The following PLA2G4E variants were observed in gnomAD, a reference collection of about 807,000 sequenced individuals.
PLA2G4E encodes cytosolic phospholipase A2 epsilon.
In PLA2G4E, 84 loss-of-function variants were observed where a neutral mutation model predicts 109.1. The ratio of observed to expected loss-of-function variants is 0.77; its 90% CI spans 0.65 to 0.92. The LOEUF is 0.92. Ranked by LOEUF, PLA2G4E falls within the 40% of genes least tolerant of loss-of-function variation. The pLI, the probability that PLA2G4E is intolerant of heterozygous loss-of-function variation, is 0.00. For missense variants in PLA2G4E, 1,057 were observed against 1,076.6 expected, an observed-to-expected ratio of 0.98 and a Z score of 0.25; for synonymous variants, 469 against 436.1, an observed-to-expected ratio of 1.08 and a Z score of -0.94.
chr15:42,005,660 G>C (rs1318802229), intron 4 of PLA2G4E, among the ~76,000 whole-genome samples: 4 of 152,268 alleles, frequency 2.6e-5, no homozygotes, highest in Non-Finnish European at 5.9e-5. Flanking sequence ...AAGAAAAGGA[G>C]GGAAGGGAAC....
chr15:42,050,359 T>C (rs893631431), intron 1 of PLA2G4E, among the ~76,000 whole-genome samples: 1 of 152,168 alleles, frequency 6.6e-6, no homozygotes, highest in African/African-American at 2.4e-5. Context: ...TAAGGACAGA[T>C]AGGTGATGGC....
intron 1 of PLA2G4E, among the ~76,000 whole-genome samples, chr15:42,036,692 T>C (rs1250901807): frequency 6.6e-6 from 1 of 152,036 alleles, no homozygotes. Context: ...CCCTGGACAC[T>C]GGCCGGGGCC....
At chr15:42,049,340 C>T (rs905819699) in intron 1 of PLA2G4E, among the ~76,000 whole-genome samples, 1 of 152,226 alleles carries the variant, frequency 6.6e-6, no homozygotes, top group East Asian at 1.9e-4. Context: ...CAGTTACTCA[C>T]TCCCATGATC....
intron 1 of PLA2G4E, among the ~76,000 whole-genome samples, chr15:42,047,763 A>G (rs2141081061): frequency 6.6e-6 from 1 of 152,138 alleles, no homozygotes; most frequent in East Asian, 1.9e-4. Flanking sequence ...ATATTTCACA[A>G]AGGTCTCAGG....
chr15:42,013,699 C>A (rs114855106), exon 2 of PLA2G4E: 1 of 1,550,456 alleles, frequency 6.4e-7, no homozygotes, highest in South Asian at 1.2e-5. Context: ...ATCAGCCTGC[C>A]GGACATTTTT....
At chr15:42,021,716 A>G (rs1481030653) in intron 1 of PLA2G4E, among the ~76,000 whole-genome samples, 8 of 152,226 alleles carry the variant, frequency 5.3e-5, no homozygotes, top group Admixed American at 5.2e-4. Context: ...GATGATTCCT[A>G]TCTCTAGCCT....
chr15:41,984,393 C>G (rs911823510), intron 19 of PLA2G4E, 43 bp downstream of exon 19: 9 of 1,564,070 alleles, frequency 5.8e-6, no homozygotes, highest in Non-Finnish European at 7.9e-6. Flanking sequence ...ATTCCCGGGC[C>G]AAGGGCAGCA....
At position 42,040,346 on chromosome 15, in the gene PLA2G4E, A is replaced by G. The variant is rs137898307; in HGVS notation, c.183+10175T>C. Among the ~76,000 whole-genome samples the G allele has an allele frequency of 1.5e-3, 235 of 152,196 alleles. 2 individuals are homozygous for G. The highest frequency in any genetic ancestry group is 5.5e-3 in the African/African-American group (229 of 41,472). On this transcript the variant is annotated intron_variant, in intron 1 of 19. Transcript: ENST00000399518. ...GGAAGGACAGGTTATTTGATAAATTATGTTGAAAAAATAAGTTTTCTGAAA... is the reference window on the plus strand; with the variant it reads ...GGAAGGACAGGTTATTTGATAAATTGTGTTGAAAAAATAAGTTTTCTGAAA...
chr15:41,992,281 C>G (rs892235532), intron 13 of PLA2G4E, among the ~76,000 whole-genome samples: 1 of 152,120 alleles, frequency 6.6e-6, no homozygotes, highest in Non-Finnish European at 1.5e-5. Flanking sequence ...CTGGGAGACG[C>G]GGGACTCCTG....
intron 13 of PLA2G4E, among the ~76,000 whole-genome samples, chr15:41,991,604 C>T (rs1283093317): frequency 2.6e-5 from 4 of 152,168 alleles, no homozygotes; most frequent in African/African-American, 9.7e-5. Flanking sequence ...TTTGCCAGCG[C>T]AGTTCCTGGC....
chr15:42,003,893 TTTCCTTGCTTTCC>T (rs1397603717), intron 5 of PLA2G4E, among the ~76,000 whole-genome samples: 8 of 151,532 alleles, frequency 5.3e-5, no homozygotes, highest in South Asian at 4.2e-4. Flanking sequence ...CTTTCCTTCC[TTTCCTTGCTTTCC>T]TTCCTTCCTT....
intron 6 of PLA2G4E, among the ~76,000 whole-genome samples, chr15:42,002,264 C>CA (rs71108143): frequency 0.49 from 35,902 of 73,054 alleles, 9,570 homozygotes; most frequent in Non-Finnish European, 0.57. Flanking sequence ...GACCTTGTCT[C>CA]AAAAAAAAAA....
intron 13 of PLA2G4E, 139 bp downstream of exon 13, chr15:41,992,598 C>T (rs1374645333): frequency 1.0e-5 from 8 of 790,302 alleles, no homozygotes; most frequent in Admixed American, 8.5e-5. Context: ...GACACCTTAT[C>T]GGTCTTCCAG....
intron 9 of PLA2G4E, 51 bp from the exon 10 acceptor site, chr15:41,999,612 G>C (rs2068392035): frequency 6.3e-7 from 1 of 1,599,094 alleles, no homozygotes; most frequent in African/African-American, 1.3e-5. Flanking sequence ...TCAGAGCCAA[G>C]TGATCCCAGA....
chr15:42,033,839 T>G (rs1174108567), intron 1 of PLA2G4E, among the ~76,000 whole-genome samples: 1 of 152,206 alleles, frequency 6.6e-6, no homozygotes, highest in Admixed American at 6.5e-5. Flanking sequence ...TCAAGCCTCC[T>G]GTCCTGTGTA....
chr15:41,990,076 TC>T lies in PLA2G4E; in HGVS notation c.1585+44del, dbSNP rs541560434. ...CTGGGTGCTTTTGCCCACCAAGAAGTCCCCCCCTCCACCCCACTTGTAAATC... is the reference window on the plus strand; with the variant it reads ...CTGGGTGCTTTTGCCCACCAAGAAGTCCCCCCTCCACCCCACTTGTAAATC... On this transcript the variant is annotated intron_variant, in intron 14 of 19. Transcript: ENST00000399518. 4,435 of 1,530,428 alleles carry T rather than the reference TC, an allele frequency of 2.9e-3. 9 individuals carry two copies. Among genetic ancestry groups the T allele is most frequent in the Non-Finnish European group, 3.7e-3 (4,060 of 1,111,974 alleles). 94.8% of individuals were successfully genotyped at this position (1,530,428 alleles called of 1,614,324 possible).
chr15:42,033,169 G>A (rs1566849855), intron 1 of PLA2G4E, among the ~76,000 whole-genome samples: 1 of 152,144 alleles, frequency 6.6e-6, no homozygotes, highest in African/African-American at 2.4e-5. Flanking sequence ...GAGGAAGAAG[G>A]CTCCTGAGCT....
chr15:42,010,403 A>G (rs538543222), intron 2 of PLA2G4E, among the ~76,000 whole-genome samples: 1 of 152,244 alleles, frequency 6.6e-6, no homozygotes, highest in Non-Finnish European at 1.5e-5. Flanking sequence ...TATTCCTGGC[A>G]GAGACAAGAT....
chr15:42,026,579 T>C (rs982131300), intron 1 of PLA2G4E, among the ~76,000 whole-genome samples: 3 of 152,202 alleles, frequency 2.0e-5, no homozygotes, highest in African/African-American at 7.2e-5. Flanking sequence ...ACCATCGTGC[T>C]CTGCTGTGGA....
Sources: gnomAD v4.1 joint callset for allele counts (sites outside exome capture counted in the v4.1 genomes callset) on GRCh38, gnomAD v4.1.1 for gene constraint, MANE v1.5 for transcripts, NCBI Gene and HGNC (gene_info 2026-07-23, HGNC 2026-07-21) for gene names.